ERBB4: variants seen among roughly 807,000 people sequenced by gnomAD.
ERBB4 encodes the protein erb-b2 receptor tyrosine kinase 4, also known as receptor tyrosine-protein kinase erbB-4.
Under a neutral mutation model 158.0 loss-of-function variants are expected in ERBB4, and 42 were observed. The observed-to-expected ratio is 0.27, with a 90% CI of 0.21 to 0.34. The LOEUF (loss-of-function observed/expected upper bound fraction) is 0.34, where lower values mean the gene tolerates loss of function less well. ERBB4 is among the 10% of genes least tolerant of loss of function. The pLI, the probability that ERBB4 is intolerant of heterozygous loss-of-function variation, is 1.00. For missense variants in ERBB4, 1,333 were observed against 1,624.1 expected (o/e 0.82, Z 3.08); for synonymous variants, 583 against 558.7 (o/e 1.04, Z -0.61).
At chr2:212,252,509 T>C (rs2084576462) in intron 1 of ERBB4, among the ~76,000 whole-genome samples, 2 of 152,002 alleles carry the variant, frequency 1.3e-5, no homozygotes, top group African/African-American at 2.4e-5. Flanking sequence ...AGTAAAATGG[T>C]AAGGTCCACT....
chr2:211,490,936 CAGG>C (rs1435725524), intron 20 of ERBB4, among the ~76,000 whole-genome samples: 1 of 152,046 alleles, frequency 6.6e-6, no homozygotes, highest in Admixed American at 6.6e-5. Context: ...TGTGATGTTT[CAGG>C]AGTTGTTAAT....
chr2:212,270,668 T>C (rs1006585191), intron 1 of ERBB4, among the ~76,000 whole-genome samples: 5 of 151,876 alleles, frequency 3.3e-5, no homozygotes, highest in African/African-American at 9.6e-5. Flanking sequence ...ATATTTACTC[T>C]TGGAGCCCTA....
chr2:211,604,752 C>A (rs2068921386), intron 19 of ERBB4, among the ~76,000 whole-genome samples: 1 of 152,196 alleles, frequency 6.6e-6, no homozygotes, highest in Non-Finnish European at 1.5e-5. Flanking sequence ...TTTGAACCAG[C>A]ACTGCCTTGT....
rs1213131236 is a variant in ERBB4 at position 212,119,480 on chromosome 2, G to T, written c.234+5272C>A. Among the ~76,000 whole-genome samples the T allele has an allele frequency of 2.0e-5, 3 of 152,214 alleles. No homozygotes were observed. In the East Asian group the frequency reaches 5.8e-4, roughly 29 times the overall value. On this transcript the variant is annotated intron_variant, in intron 2 of 27. Transcript: ENST00000342788. The stretch of plus-strand genomic sequence containing the variant: ...CCAAGAATTCTAATGAGGGTAAAAG[G>T]TCTAATAGTTCATTCCCATTACTTA...
intron 5 of ERBB4, among the ~76,000 whole-genome samples, chr2:211,731,335 A>G (rs1044455206): frequency 4.6e-5 from 7 of 152,118 alleles, no homozygotes; most frequent in African/African-American, 1.7e-4. Context: ...AAATTTTGAC[A>G]AATTATGATC....
chr2:211,530,944 T>C (rs2066482352), intron 20 of ERBB4, among the ~76,000 whole-genome samples: 2 of 152,006 alleles, frequency 1.3e-5, no homozygotes, highest in African/African-American at 2.4e-5. Context: ...CAAAACAGCA[T>C]GGTACTCACA....
At chr2:211,986,553 T>G (rs976717222) in intron 2 of ERBB4, among the ~76,000 whole-genome samples, 1 of 152,180 alleles carries the variant, frequency 6.6e-6, no homozygotes, top group African/African-American at 2.4e-5. Context: ...TTGATTTCCT[T>G]TCACATTCAA....
At chr2:211,509,899 T>G (rs2065846858) in intron 20 of ERBB4, among the ~76,000 whole-genome samples, 1 of 152,080 alleles carries the variant, frequency 6.6e-6, no homozygotes, top group Non-Finnish European at 1.5e-5. Flanking sequence ...TGAAATATCA[T>G]CTTACATCAG....
chr2:211,939,897 A>C (rs576797800), intron 3 of ERBB4, among the ~76,000 whole-genome samples: 1 of 151,502 alleles, frequency 6.6e-6, no homozygotes, highest in Non-Finnish European at 1.5e-5. Flanking sequence ...CAGTGAGCTG[A>C]GATTGTGCCA....
chr2:212,344,359 A>C (rs2088872205), intron 1 of ERBB4, among the ~76,000 whole-genome samples: 1 of 152,088 alleles, frequency 6.6e-6, no homozygotes, highest in East Asian at 1.9e-4. Flanking sequence ...ACAACCAAAA[A>C]TGTCTCCAGA....
intron 16 of ERBB4, among the ~76,000 whole-genome samples, chr2:211,641,435 T>G (rs1014423206): frequency 3.3e-5 from 5 of 152,204 alleles, no homozygotes; most frequent in African/African-American, 1.2e-4. Flanking sequence ...TTTAATACAT[T>G]TAAAAAACCT....
chr2:211,462,899 T>A (rs2064573774), intron 20 of ERBB4, among the ~76,000 whole-genome samples: 1 of 152,212 alleles, frequency 6.6e-6, no homozygotes, highest in Admixed American at 6.5e-5. Context: ...TTATAGTTTC[T>A]CTTTTTCACT....
At chr2:211,564,054 A>G (rs1559299944) in intron 19 of ERBB4, among the ~76,000 whole-genome samples, 1 of 152,180 alleles carries the variant, frequency 6.6e-6, no homozygotes, top group Non-Finnish European at 1.5e-5. Flanking sequence ...TTTCATTTCA[A>G]CTTCATTATA....
At chr2:211,934,714 T>C (rs1002268245) in intron 3 of ERBB4, among the ~76,000 whole-genome samples, 7 of 151,986 alleles carry the variant, frequency 4.6e-5, no homozygotes, top group Admixed American at 3.9e-4. Flanking sequence ...GAAAAGGCTA[T>C]GAAGTCCGTG....
chr2:212,424,752 G>C (rs1476105974), intron 1 of ERBB4, among the ~76,000 whole-genome samples: 2 of 151,798 alleles, frequency 1.3e-5, no homozygotes, highest in African/African-American at 2.4e-5. Context: ...TGGTGTAGAA[G>C]GGGAATGTTG....
chr2:211,997,909 T>TACACACACACA lies in ERBB4; in HGVS notation c.235-50294_235-50293insTGTGTGTGTGT, dbSNP rs35510591. Among the ~76,000 whole-genome samples, 380 of 150,556 alleles carry TACACACACACA rather than the reference T, an allele frequency of 2.5e-3. 5 individuals carry two copies. The highest frequency in any genetic ancestry group is 6.2e-3 in the Admixed American group (93 of 15,042). ...GAGATTATTTTTATACACACACACA[T>TACACACACACA]CACACACACACACACACACACACAA... On this transcript the variant is annotated intron_variant, in intron 2 of 27. Transcript: ENST00000342788.
At chr2:212,233,015 A>T (rs2083722759) in intron 1 of ERBB4, among the ~76,000 whole-genome samples, 1 of 152,220 alleles carries the variant, frequency 6.6e-6, no homozygotes, top group South Asian at 2.1e-4. Flanking sequence ...TCCTGAATGC[A>T]TTGAAAAGTC....
At chr2:211,511,030 A>T (rs2065871707) in intron 20 of ERBB4, among the ~76,000 whole-genome samples, 1 of 152,012 alleles carries the variant, frequency 6.6e-6, no homozygotes. Context: ...TTATGAAAAA[A>T]CAACAACCAA....
intron 1 of ERBB4, among the ~76,000 whole-genome samples, chr2:212,495,221 C>T (rs1690494626): frequency 6.6e-6 from 1 of 151,860 alleles, no homozygotes; most frequent in African/African-American, 2.4e-5. Context: ...TCATTAAAAC[C>T]TTGTTGAAAT....
Sources: gnomAD v4.1 joint callset for allele counts (sites outside exome capture counted in the v4.1 genomes callset) on GRCh38, gnomAD v4.1.1 for gene constraint, MANE v1.5 for transcripts, NCBI Gene and HGNC (gene_info 2026-07-23, HGNC 2026-07-21) for gene names.